The following MAPK10 variants were observed in gnomAD, a reference collection of about 807,000 sequenced individuals.
The protein encoded by MAPK10 is JNK3 alpha protein kinase.
A neutral mutation model predicts 59.3 loss-of-function variants in MAPK10; 25 were observed. The ratio of observed to expected loss-of-function variants is 0.42; its 90% CI spans 0.31 to 0.59. MAPK10 has a LOEUF of 0.59. MAPK10 is among the 20% of genes least tolerant of loss of function. The pLI is 0.15. For synonymous variants in MAPK10, 190 were observed against 200.5 expected (o/e 0.95, Z 0.44); for missense variants, 351 against 568.9 (o/e 0.62, Z 3.90).
chr4:86,533,045 A>AG (rs935265227), intron 1 of MAPK10, among the ~76,000 whole-genome samples: 2 of 152,224 alleles, frequency 1.3e-5, no homozygotes, highest in African/African-American at 2.4e-5. Context: ...GAAAAAAAAA[A>AG]CAAACTCAGC....
At chr4:86,166,301 T>C (rs2071701618) in intron 3 of MAPK10, among the ~76,000 whole-genome samples, 1 of 152,244 alleles carries the variant, frequency 6.6e-6, no homozygotes, top group Non-Finnish European at 1.5e-5. Flanking sequence ...GCAAGTTCTT[T>C]ATAATATTAG....
chr4:86,389,189 C>T (rs928681162), intron 1 of MAPK10, among the ~76,000 whole-genome samples: 2 of 152,036 alleles, frequency 1.3e-5, no homozygotes, highest in African/African-American at 4.8e-5. Context: ...TTGCTCCTGC[C>T]CTGGTCATGT....
chr4:86,587,297 G>A (rs1263672659), intron 1 of MAPK10, among the ~76,000 whole-genome samples: 1 of 152,184 alleles, frequency 6.6e-6, no homozygotes, highest in Non-Finnish European at 1.5e-5. Context: ...TTTCTGTCAT[G>A]TGACTCTGCA....
intron 2 of MAPK10, among the ~76,000 whole-genome samples, chr4:86,351,308 G>A (rs1731241196): frequency 6.9e-6 from 1 of 145,770 alleles, no homozygotes; most frequent in African/African-American, 2.6e-5. Flanking sequence ...ACAATGTATT[G>A]TACAATATAT....
intron 1 of MAPK10, among the ~76,000 whole-genome samples, chr4:86,477,932 C>T (rs1753250252): frequency 6.6e-6 from 1 of 152,200 alleles, no homozygotes; most frequent in African/African-American, 2.4e-5. Flanking sequence ...CAGCAAATTA[C>T]CTGGGCTGTA....
Position 86,281,674 on chromosome 4 carries a change from TC to T in MAPK10, c.-7+72855del, listed in dbSNP as rs533707854. ...GACAATAAGCTAAAGGGAAAGGAAATCCCACTGGAATGTTGGCTCCTTGAGG... is the reference window on the plus strand; with the variant it reads ...GACAATAAGCTAAAGGGAAAGGAAATCCACTGGAATGTTGGCTCCTTGAGG... On this transcript the variant is annotated intron_variant, in intron 2 of 13. Transcript: ENST00000641462. Among the ~76,000 whole-genome samples, 118 of 152,204 alleles carry T rather than the reference TC, an allele frequency of 7.8e-4. 1 individual carries two copies. The highest frequency in any genetic ancestry group is 2.3e-3 in the South Asian group (11 of 4,828).
At chr4:86,383,286 C>CT (rs1277651958) in intron 1 of MAPK10, among the ~76,000 whole-genome samples, 1 of 152,034 alleles carries the variant, frequency 6.6e-6, no homozygotes, top group East Asian at 1.9e-4. Flanking sequence ...GCAGCAAATC[C>CT]TTTAGCCCTT....
At chr4:86,206,709 C>T (rs1018566706) in intron 2 of MAPK10, among the ~76,000 whole-genome samples, 3 of 152,034 alleles carry the variant, frequency 2.0e-5, no homozygotes, top group East Asian at 1.9e-4. Flanking sequence ...CAGCACCTGT[C>T]ATTTCCTGAC....
intron 4 of MAPK10, among the ~76,000 whole-genome samples, chr4:86,132,768 A>C (rs80352941): frequency 0.049 from 7,457 of 152,180 alleles, 608 homozygotes; most frequent in African/African-American, 0.17. Flanking sequence ...ATCTAGGTTG[A>C]ACACTCCTTG....
At position 86,185,501 on chromosome 4, in the gene MAPK10, A is replaced by G. The variant is rs560204935; in HGVS notation, c.66+8835T>C. ...TTTAATTTTTGCTGAGTGAGATAGG[A>G]AGACATTGAAAGGTCTTTCTCTTTT... is the stretch of plus-strand genomic sequence containing the variant. On this transcript the variant is annotated intron_variant, in intron 3 of 13. Transcript: ENST00000641462. 6.6e-5 allele frequency among the ~76,000 whole-genome samples: 10 copies of G among 152,230 alleles called. No homozygotes were observed. In the East Asian group the frequency reaches 1.9e-3, roughly 29 times the overall value.
At chr4:86,074,916 A>G (rs1029064829) in intron 9 of MAPK10, among the ~76,000 whole-genome samples, 61 of 134,614 alleles carry the variant, frequency 4.5e-4, no homozygotes, top group African/African-American at 1.6e-3. Flanking sequence ...CGTTCTCTGT[A>G]TTTCCTGAAT....
intron 5 of MAPK10, among the ~76,000 whole-genome samples, chr4:86,104,006 T>C (rs138753802): frequency 0.011 from 1,623 of 152,082 alleles, 29 homozygotes; most frequent in African/African-American, 0.036. Flanking sequence ...GAAATGAATA[T>C]AAAAATATAT....
In MAPK10 at chr4:86,075,928, C is replaced by T. The variant is rs569155838; in HGVS notation, c.803-7973G>A. ...GAGCTGTGGTGGGCTCCACCCAGTT[C>T]GAGTTTCCAGGCTGCTTTGTTTACC... On this transcript the variant is annotated intron_variant, in intron 9 of 13. Transcript: ENST00000641462. Among the ~76,000 whole-genome samples the T allele has an allele frequency of 2.7e-3, 406 of 152,206 alleles. 1 individual carries two copies. Among genetic ancestry groups the T allele is most frequent in the Admixed American group, 4.7e-3 (72 of 15,292 alleles).
At chr4:86,568,531 T>G (rs1337857048) in intron 1 of MAPK10, among the ~76,000 whole-genome samples, 2 of 152,102 alleles carry the variant, frequency 1.3e-5, no homozygotes, top group Non-Finnish European at 2.9e-5. Context: ...CATCACCTGA[T>G]TTCAAATTAT....
chr4:86,514,868 G>GT (rs946033028), intron 1 of MAPK10, among the ~76,000 whole-genome samples: 3 of 152,150 alleles, frequency 2.0e-5, no homozygotes, highest in African/African-American at 7.2e-5. Context: ...TATTTCAATA[G>GT]TTTTGGGGGA....
chr4:86,061,339 C>T (rs1008154823), intron 11 of MAPK10, among the ~76,000 whole-genome samples: 4 of 152,088 alleles, frequency 2.6e-5, no homozygotes, highest in Admixed American at 6.6e-5. Context: ...ACATTATACA[C>T]GATTTGTGTG....
chr4:86,221,522 G>T (rs1449431666), intron 2 of MAPK10, among the ~76,000 whole-genome samples: 1 of 151,588 alleles, frequency 6.6e-6, no homozygotes, highest in African/African-American at 2.4e-5. Context: ...CTGTCTCCCT[G>T]GCTGCCCAGG....
intron 1 of MAPK10, among the ~76,000 whole-genome samples, chr4:86,447,314 C>T (rs1750162791): frequency 6.6e-6 from 1 of 152,136 alleles, no homozygotes; most frequent in African/African-American, 2.4e-5. Context: ...CTTGCTTCCC[C>T]TTCACCTTCC....
intron 11 of MAPK10, among the ~76,000 whole-genome samples, chr4:86,038,371 C>T (rs2040783212): frequency 6.6e-6 from 1 of 152,114 alleles, no homozygotes; most frequent in Non-Finnish European, 1.5e-5. Context: ...CTGAAATATG[C>T]TTTGTTTTTT....
Sources: allele counts gnomAD v4.1 joint callset (sites outside exome capture counted in the v4.1 genomes callset), GRCh38; gene constraint gnomAD v4.1.1; transcripts MANE v1.5; gene names NCBI Gene and HGNC (gene_info 2026-07-23, HGNC 2026-07-21).